The following GTF2IRD1 variants were observed in gnomAD, a reference collection of about 807,000 sequenced individuals.
The protein encoded by GTF2IRD1 is GTF2I repeat domain containing 1.
Under a neutral mutation model 113.2 loss-of-function variants are expected in GTF2IRD1, and 26 were observed. The ratio of observed to expected loss-of-function variants is 0.23; its 90% confidence interval spans 0.17 to 0.32. The LOEUF (loss-of-function observed/expected upper bound fraction) is 0.32, where lower values mean the gene tolerates loss of function less well. Among genes scored for constraint, GTF2IRD1 ranks in the 10% least tolerant of loss-of-function variants. The pLI is 1.00. For synonymous variants in GTF2IRD1, 484 were observed against 529.1 expected, an observed-to-expected ratio of 0.91 and a Z score of 1.17; for missense variants, 864 against 1,280.8, an observed-to-expected ratio of 0.67 and a Z score of 4.97.
chr7:74,597,009 T>C (rs1802457683), intron 25 of GTF2IRD1, among the ~76,000 whole-genome samples: 1 of 151,836 alleles, frequency 6.6e-6, no homozygotes, highest in Non-Finnish European at 1.5e-5. Flanking sequence ...GCTATGATTA[T>C]GCCATCCTGC....
intron 1 of GTF2IRD1, among the ~76,000 whole-genome samples, chr7:74,473,212 A>G (rs2117029720): frequency 6.6e-6 from 1 of 152,304 alleles, no homozygotes; most frequent in East Asian, 1.9e-4. Context: ...TGACAACCAG[A>G]AGAGCTTCCT....
intron 1 of GTF2IRD1, among the ~76,000 whole-genome samples, chr7:74,458,573 G>C (rs1234094321): frequency 2.0e-5 from 3 of 152,088 alleles, no homozygotes; most frequent in Non-Finnish European, 2.9e-5. Context: ...TGGCAGAGGG[G>C]CTTTGGCCTG....
At chr7:74,578,096 C>T (rs1197087182) in intron 22 of GTF2IRD1, among the ~76,000 whole-genome samples, 1 of 152,178 alleles carries the variant, frequency 6.6e-6, no homozygotes, top group Non-Finnish European at 1.5e-5. Context: ...TGAGCCACCA[C>T]GCCAGGCTCA....
chr7:74,590,033 C>T (rs879987062), intron 23 of GTF2IRD1, 105 bp downstream of exon 23: 211 of 687,502 alleles, frequency 3.1e-4, no homozygotes, highest in Non-Finnish European at 4.2e-4. Flanking sequence ...CAGCTGGCTG[C>T]CTGCTCCCTG....
intron 12 of GTF2IRD1, 67 bp downstream of exon 12, chr7:74,538,240 A>T: frequency 6.7e-7 from 1 of 1,496,382 alleles, no homozygotes. Flanking sequence ...CCTACCCGGC[A>T]GCCTTGGGGA....
intron 22 of GTF2IRD1, chr7:74,571,136 A>C: frequency 1.0e-6 from 1 of 984,940 alleles, no homozygotes; most frequent in Non-Finnish European, 1.2e-6. Context: ...TCCAGACCCC[A>C]GGGATGTGGC....
At chr7:74,521,323 C>A in intron 7 of GTF2IRD1, 26 bp downstream of exon 7, 1 of 1,379,860 alleles carries the variant, frequency 7.2e-7, no homozygotes, top group South Asian at 1.2e-5. Context: ...CGAAGCACCC[C>A]GGCCTGAGTG....
At chr7:74,459,544 G>T (rs1015387353) in intron 1 of GTF2IRD1, among the ~76,000 whole-genome samples, 6 of 152,092 alleles carry the variant, frequency 3.9e-5, no homozygotes, top group Non-Finnish European at 5.9e-5. Context: ...CTTAGGGAGT[G>T]TCTCAGGCGG....
At chr7:74,594,951 C>CA in intron 24 of GTF2IRD1, 63 bp from the exon 25 acceptor site, 6 of 1,250,370 alleles carry the variant, frequency 4.8e-6, no homozygotes, top group Non-Finnish European at 6.9e-6. Context: ...GACTCCATCT[C>CA]AAAAAAATAA....
chr7:74,599,774 T>C (rs1554373378), intron 25 of GTF2IRD1, among the ~76,000 whole-genome samples: 1 of 152,134 alleles, frequency 6.6e-6, no homozygotes, highest in Non-Finnish European at 1.5e-5. Flanking sequence ...CCACCCACCT[T>C]GGTCTCCCAA....
intron 22 of GTF2IRD1, among the ~76,000 whole-genome samples, chr7:74,583,380 T>C (rs1272645545): frequency 7.4e-5 from 11 of 148,878 alleles, no homozygotes; most frequent in Middle Eastern, 6.8e-3. Flanking sequence ...TCTTTTTTTT[T>C]TTTTTTTTTT....
intron 1 of GTF2IRD1, among the ~76,000 whole-genome samples, chr7:74,480,422 G>C (rs1554334396): frequency 6.6e-6 from 1 of 152,240 alleles, no homozygotes; most frequent in Admixed American, 6.5e-5. Context: ...CACTGGAAGA[G>C]AGCCTTGTCC....
chr7:74,544,561 C>T (rs587740959), intron 14 of GTF2IRD1, among the ~76,000 whole-genome samples, 194 bp from the exon 15 acceptor site: 24 of 152,312 alleles, frequency 1.6e-4, no homozygotes, highest in Admixed American at 1.2e-3. Flanking sequence ...AAAATGATCT[C>T]AGCCTGCTTT....
chr7:74,595,517 T>C (rs1802359520), intron 25 of GTF2IRD1, among the ~76,000 whole-genome samples: 1 of 151,606 alleles, frequency 6.6e-6, no homozygotes, highest in Non-Finnish European at 1.5e-5. Flanking sequence ...AGCGAGACCC[T>C]GTCTCTAAAA....
chr7:74,590,036 G>T, intron 23 of GTF2IRD1, 108 bp downstream of exon 23: 1 of 671,730 alleles, frequency 1.5e-6, no homozygotes, highest in East Asian at 2.7e-5. Context: ...CTGGCTGCCT[G>T]CTCCCTGGTG....
intron 22 of GTF2IRD1, among the ~76,000 whole-genome samples, chr7:74,582,774 CA>C (rs1801493291): frequency 6.6e-6 from 1 of 152,112 alleles, no homozygotes; most frequent in Non-Finnish European, 1.5e-5. Context: ...GGCATTCAAG[CA>C]GGGGCTTGTC....
chr7:74,461,119 T>C (rs1199458847), intron 1 of GTF2IRD1, among the ~76,000 whole-genome samples: 1 of 152,140 alleles, frequency 6.6e-6, no homozygotes, highest in Non-Finnish European at 1.5e-5. Context: ...AGGGACTTGG[T>C]GTGACCCCGT....
chr7:74,477,952 C>T (rs1486974275), intron 1 of GTF2IRD1, among the ~76,000 whole-genome samples: 2 of 152,184 alleles, frequency 1.3e-5, no homozygotes, highest in African/African-American at 4.8e-5. Flanking sequence ...CCCAGGGCCC[C>T]CCTGCACTGC....
At chr7:74,502,992 C>T (rs1796112602) in intron 1 of GTF2IRD1, among the ~76,000 whole-genome samples, 1 of 152,026 alleles carries the variant, frequency 6.6e-6, no homozygotes, top group South Asian at 2.1e-4. Flanking sequence ...CATGGTGAAA[C>T]CCTGTCTCTA....
Sources: gnomAD v4.1 joint callset for allele counts (sites outside exome capture counted in the v4.1 genomes callset) on GRCh38, gnomAD v4.1.1 for gene constraint, MANE v1.5 for transcripts, NCBI Gene and HGNC (gene_info 2026-07-23, HGNC 2026-07-21) for gene names.